Variants in CCDC91 observed in about 807,000 individuals in gnomAD.
CCDC91 encodes coiled-coil domain containing 91.
Under a neutral mutation model 63.2 loss-of-function variants are expected in CCDC91, and 48 were observed. The observed-to-expected ratio is 0.76, with a 90% CI of 0.60 to 0.97. The LOEUF is 0.97. CCDC91 is among the 50% of genes least tolerant of loss of function. CCDC91 has a pLI of 0.00. For missense variants in CCDC91, 500 were observed against 494.6 expected (o/e 1.01, Z -0.10); for synonymous variants, 167 against 165.8 (o/e 1.01, Z -0.06).
intron 6 of CCDC91, among the ~76,000 whole-genome samples, chr12:28,321,562 A>G (rs1265835047): frequency 6.6e-6 from 1 of 151,828 alleles, no homozygotes; most frequent in African/African-American, 2.4e-5. Flanking sequence ...AGATGAAGTC[A>G]TTAGGATGGG....
At chr12:28,255,574 T>A (rs921239569) in intron 1 of CCDC91, 20 of 152,200 alleles carry the variant, frequency 1.3e-4, no homozygotes, top group Admixed American at 2.0e-4. Context: ...TGGTTTATAT[T>A]TTTTAGGTGC....
chr12:28,431,942 T>A (rs1279629370), intron 8 of CCDC91, among the ~76,000 whole-genome samples: 2 of 152,060 alleles, frequency 1.3e-5, no homozygotes, highest in Non-Finnish European at 2.9e-5. Flanking sequence ...GTCTCTATAG[T>A]TTTGCCTTTT....
intron 3 of CCDC91, among the ~76,000 whole-genome samples, chr12:28,274,635 C>T (rs1349708720): frequency 6.6e-6 from 1 of 152,022 alleles, no homozygotes; most frequent in Non-Finnish European, 1.5e-5. Context: ...TGATTTGGCT[C>T]TCTGTTTGTC....
At chr12:28,451,008 G>A (rs529549175) in intron 10 of CCDC91, among the ~76,000 whole-genome samples, 1 of 151,730 alleles carries the variant, frequency 6.6e-6, no homozygotes, top group East Asian at 1.9e-4. Flanking sequence ...GGGCAAGGAG[G>A]AATGCACTAA....
At chr12:28,444,023 C>G (rs1224878925) in intron 8 of CCDC91, among the ~76,000 whole-genome samples, 2 of 152,152 alleles carry the variant, frequency 1.3e-5, no homozygotes, top group Non-Finnish European at 2.9e-5. Context: ...ATGGTGATAG[C>G]ATCATTGGTC....
intron 8 of CCDC91, among the ~76,000 whole-genome samples, chr12:28,421,744 C>T (rs1427515902): frequency 1.3e-5 from 2 of 151,976 alleles, no homozygotes; most frequent in Non-Finnish European, 1.5e-5. Context: ...TACAGTCTGC[C>T]TGTTTCCCTT....
At chr12:28,403,988 T>A (rs1946783943) in intron 8 of CCDC91, among the ~76,000 whole-genome samples, 1 of 152,070 alleles carries the variant, frequency 6.6e-6, no homozygotes, top group African/African-American at 2.4e-5. Flanking sequence ...TTTGGTTTTA[T>A]TGATTTTTCC....
chr12:28,267,997 ATACT>A (rs911968873), intron 3 of CCDC91, among the ~76,000 whole-genome samples: 26 of 123,240 alleles, frequency 2.1e-4, no homozygotes, highest in Admixed American at 5.4e-4. Flanking sequence ...TAATTATATA[ATACT>A]TAATTATATG....
intron 12 of CCDC91, among the ~76,000 whole-genome samples, chr12:28,527,665 G>A (rs1277187163): frequency 6.6e-6 from 1 of 152,166 alleles, no homozygotes; most frequent in Non-Finnish European, 1.5e-5. Flanking sequence ...TAACTCCCAA[G>A]AGTATATGCC....
chr12:28,545,024 A>C (rs1942889889), intron 12 of CCDC91, among the ~76,000 whole-genome samples: 1 of 152,030 alleles, frequency 6.6e-6, no homozygotes, highest in Non-Finnish European at 1.5e-5. Context: ...GAAACTTCAG[A>C]ATTTCCAGAT....
At chr12:28,399,581 T>A (rs749709702) in intron 8 of CCDC91, among the ~76,000 whole-genome samples, 1 of 152,190 alleles carries the variant, frequency 6.6e-6, no homozygotes, top group Non-Finnish European at 1.5e-5. Flanking sequence ...CAAAGCCTCA[T>A]TTGAGACAAG....
chr12:28,319,433 A>G (rs1386647780), intron 6 of CCDC91: 7 of 151,994 alleles, frequency 4.6e-5, no homozygotes, highest in South Asian at 2.1e-4. Flanking sequence ...GATAAACCTC[A>G]TTGGCTACGA....
At chr12:28,378,041 G>A (rs1945056223) in intron 7 of CCDC91, among the ~76,000 whole-genome samples, 1 of 151,870 alleles carries the variant, frequency 6.6e-6, no homozygotes, top group East Asian at 1.9e-4. Context: ...TTAGGGTATT[G>A]AATTAGGTAC....
At chr12:28,252,401 T>G (rs1322841936) in intron 1 of CCDC91, among the ~76,000 whole-genome samples, 1 of 152,064 alleles carries the variant, frequency 6.6e-6, no homozygotes, top group Non-Finnish European at 1.5e-5. Context: ...AGAGTCCTAA[T>G]AATTAGATAT....
intron 8 of CCDC91, among the ~76,000 whole-genome samples, chr12:28,404,076 C>G (rs1310177104): frequency 1.3e-5 from 2 of 151,722 alleles, no homozygotes; most frequent in Non-Finnish European, 2.9e-5. Flanking sequence ...TTAATTTACT[C>G]TTGTTTACTT....
At chr12:28,214,704 C>T (rs190075173) in intron 1 of CCDC91, among the ~76,000 whole-genome samples, 2 of 152,080 alleles carry the variant, frequency 1.3e-5, no homozygotes, top group Non-Finnish European at 2.9e-5. Context: ...GTTTAAATTA[C>T]AGGATATCAA....
chr12:28,464,747 A>G (rs1460594164), intron 11 of CCDC91, among the ~76,000 whole-genome samples: 1 of 152,040 alleles, frequency 6.6e-6, no homozygotes, highest in Non-Finnish European at 1.5e-5. Context: ...CTGGCTTCAG[A>G]TGAGGCTCAG....
chr12:28,288,536 C>A (rs1172876821), intron 3 of CCDC91, among the ~76,000 whole-genome samples: 1 of 152,034 alleles, frequency 6.6e-6, no homozygotes, highest in East Asian at 1.9e-4. Flanking sequence ...ACCTTGCATC[C>A]CAGGGATAAA....
chr12:28,354,367 C>G (rs1406312841), intron 6 of CCDC91, among the ~76,000 whole-genome samples: 4 of 152,080 alleles, frequency 2.6e-5, no homozygotes, highest in African/African-American at 7.2e-5. Context: ...GTAAGGATAC[C>G]AATAATTGGA....
Sources: gnomAD v4.1 joint callset for allele counts (sites outside exome capture counted in the v4.1 genomes callset) on GRCh38, gnomAD v4.1.1 for gene constraint, MANE v1.5 for transcripts, NCBI Gene and HGNC (gene_info 2026-07-23, HGNC 2026-07-21) for gene names.